Variants in RIN3 observed in about 807,000 individuals in gnomAD.
RIN3 encodes Ras and Rab interactor 3, also known as RAB5 interacting protein 3.
In RIN3, 54 loss-of-function variants were observed where a neutral mutation model predicts 76.3. That is an observed-to-expected ratio of 0.71 (90% CI 0.57 to 0.89). The LOEUF is 0.89. Ranked by LOEUF, RIN3 falls within the 40% of genes least tolerant of loss-of-function variation. RIN3 has a pLI of 0.00. For synonymous variants in RIN3, 576 were observed against 564.0 expected, an observed-to-expected ratio of 1.02 and a Z score of -0.30; for missense variants, 1,256 against 1,322.1, an observed-to-expected ratio of 0.95 and a Z score of 0.78.
intron 2 of RIN3, among the ~76,000 whole-genome samples, chr14:92,565,261 A>T (rs2140045882): frequency 6.6e-6 from 1 of 152,212 alleles, no homozygotes; most frequent in Non-Finnish European, 1.5e-5. Flanking sequence ...TGACATCAGG[A>T]ATGCTAGGAG....
intron 3 of RIN3, among the ~76,000 whole-genome samples, chr14:92,584,877 A>G (rs908569188): frequency 5.3e-5 from 8 of 152,216 alleles, no homozygotes; most frequent in African/African-American, 1.9e-4. Flanking sequence ...TCTCCAGAAT[A>G]GGAACCATGA....
intron 5 of RIN3, among the ~76,000 whole-genome samples, chr14:92,642,116 T>G (rs999200964): frequency 5.9e-5 from 9 of 151,982 alleles, no homozygotes. Flanking sequence ...TCTTTCTTTT[T>G]TTTTTGAAAC....
chr14:92,542,942 G>A (rs1897159897), intron 1 of RIN3, among the ~76,000 whole-genome samples: 1 of 152,192 alleles, frequency 6.6e-6, no homozygotes, highest in African/African-American at 2.4e-5. Context: ...AGGGGGCAGG[G>A]CTGGGGAGGA....
At position 92,552,311 on chromosome 14, in the gene RIN3, G is replaced by A. The variant is rs570894825; in HGVS notation, c.45-3440G>A. On this transcript the variant is annotated intron_variant, in intron 1 of 9. Coordinates refer to ENST00000216487, the MANE Select transcript of RIN3 (RefSeq NM_024832.5). ...CTTCAGGATGCAGGTGGGGCTGCCG[G>A]GCTGGGAAGCAGGTTTATCTCTGTG... 3.3e-5 allele frequency among the ~76,000 whole-genome samples: 5 copies of A among 152,302 alleles called. No homozygotes were observed. The East Asian group carries it at 7.7e-4, about 23-fold the overall frequency.
chr14:92,649,300 A>G (rs1887319328), intron 5 of RIN3, among the ~76,000 whole-genome samples: 1 of 152,164 alleles, frequency 6.6e-6, no homozygotes, highest in Admixed American at 6.5e-5. Context: ...CGGGGGTCTC[A>G]GCTCACATGT....
At chr14:92,653,392 AC>A (rs2140144322) in intron 6 of RIN3, among the ~76,000 whole-genome samples, 1 of 152,288 alleles carries the variant, frequency 6.6e-6, no homozygotes, top group South Asian at 2.1e-4. Context: ...CTCAAGCAGG[AC>A]CACTGTGTGG....
At chr14:92,579,890 C>T (rs912637653) in intron 3 of RIN3, among the ~76,000 whole-genome samples, 1 of 152,218 alleles carries the variant, frequency 6.6e-6, no homozygotes, top group Non-Finnish European at 1.5e-5. Flanking sequence ...GGATACAGGT[C>T]ACTGTGGGAA....
At chr14:92,635,458 G>C (rs1595472114) in intron 4 of RIN3, among the ~76,000 whole-genome samples, 1 of 152,190 alleles carries the variant, frequency 6.6e-6, no homozygotes, top group Non-Finnish European at 1.5e-5. Context: ...ATAGGAGCAA[G>C]CTGCGGAAAA....
chr14:92,543,618 C>CT lies in RIN3; in HGVS notation c.45-12107dup, dbSNP rs3033757. On this transcript the variant is annotated intron_variant, in intron 1 of 9. Transcript: ENST00000216487. ...CAATTGCTACACATCAAGGCTTTTG[C>CT]TTTTTTTTTTTTTTTTTTTTTTTTT... Among the ~76,000 whole-genome samples the CT allele has an allele frequency of 2.6e-3, 224 of 84,876 alleles. 6 individuals are homozygous for CT. Among genetic ancestry groups the CT allele is most frequent in the African/African-American group, 7.1e-3 (137 of 19,418 alleles). 55.7% of individuals were successfully genotyped at this position (84,876 alleles called of 152,430 possible).
intron 2 of RIN3, among the ~76,000 whole-genome samples, chr14:92,573,633 A>G (rs914228162): frequency 6.6e-5 from 10 of 152,250 alleles, no homozygotes; most frequent in African/African-American, 1.9e-4. Context: ...TATGAATAAT[A>G]AAAGACACTC....
chr14:92,592,660 T>C (rs1264040487), intron 3 of RIN3, among the ~76,000 whole-genome samples: 2 of 133,670 alleles, frequency 1.5e-5, no homozygotes, highest in Non-Finnish European at 3.2e-5. Flanking sequence ...ATTATTATTA[T>C]TATTATTATT....
rs1010369617 is a variant in RIN3, at chr14:92,536,526, G to A, written c.45-19225G>A. On this transcript the variant is annotated intron_variant, in intron 1 of 9. Coordinates refer to ENST00000216487, the MANE Select transcript of RIN3 (RefSeq NM_024832.5). ...TGGGAGGCCGAGTTGGGCAGATCACGAGGTCAGGAGATCGAGATCATCCTG... is the reference window on the plus strand; with the variant it reads ...TGGGAGGCCGAGTTGGGCAGATCACAAGGTCAGGAGATCGAGATCATCCTG... Among the ~76,000 whole-genome samples, 3 of 151,936 alleles carry A rather than the reference G, an allele frequency of 2.0e-5. 1 individual carries two copies. The highest frequency in any genetic ancestry group is 1.9e-4 in the East Asian group (1 of 5,186).
chr14:92,527,544 A>G (rs899536457), intron 1 of RIN3, among the ~76,000 whole-genome samples: 27 of 152,258 alleles, frequency 1.8e-4, no homozygotes, highest in African/African-American at 6.5e-4. Context: ...ACACGGAGTA[A>G]AAGTCACTCT....
At chr14:92,521,570 C>G (rs1896598516) in intron 1 of RIN3, among the ~76,000 whole-genome samples, 1 of 152,124 alleles carries the variant, frequency 6.6e-6, no homozygotes, top group Admixed American at 6.6e-5. Context: ...TGCTCTCTCC[C>G]TCTTGCTGCC....
chr14:92,592,357 G>A (rs1885006742), intron 3 of RIN3, among the ~76,000 whole-genome samples: 1 of 150,070 alleles, frequency 6.7e-6, no homozygotes, highest in African/African-American at 2.5e-5. Context: ...GCCGAGATCA[G>A]GCCATTGCAC....
chr14:92,532,592 A>T (rs1361459362), intron 1 of RIN3, among the ~76,000 whole-genome samples: 1 of 152,142 alleles, frequency 6.6e-6, no homozygotes, highest in Non-Finnish European at 1.5e-5. Flanking sequence ...TCTCAGCCTC[A>T]GCAGGGGAGG....
chr14:92,610,737 G>A (rs116545006), intron 3 of RIN3, among the ~76,000 whole-genome samples: 1 of 152,270 alleles, frequency 6.6e-6, no homozygotes, highest in African/African-American at 2.4e-5. Flanking sequence ...GCAAGGAGGT[G>A]GGAGTGAGGA....
chr14:92,524,360 T>G (rs1242444176), intron 1 of RIN3, among the ~76,000 whole-genome samples: 1 of 152,224 alleles, frequency 6.6e-6, no homozygotes, highest in Admixed American at 6.5e-5. Context: ...GCTTGTTTTA[T>G]GCTGACCACT....
Position 92,652,371 on chromosome 14 carries a change from G to C in RIN3, c.1322G>C (p.Ser441Thr). Reference sequence around the variant, plus strand: ...GGCCAGGACACAGAGGTGAAAGCCAGCGATCCTCACAGCATGCCAGAGCTG... The same window carrying C: ...GGCCAGGACACAGAGGTGAAAGCCACCGATCCTCACAGCATGCCAGAGCTG... ...EQGQDTEVKA[S>T]DPHSMPELPR... Residue 441 changes from serine to threonine, a missense_variant, in exon 6 of 10, where the codon AGC becomes ACC. Coordinates refer to ENST00000216487, the MANE Select transcript of RIN3 (RefSeq NM_024832.5). This position sits in a 1 kb window ranked among gnomAD's most constrained non-coding sequence, Gnocchi z 6.4. The C allele has an allele frequency of 6.2e-7, 1 of 1,609,352 alleles. No homozygotes were observed. Among genetic ancestry groups the C allele is most frequent in the Non-Finnish European group, 8.5e-7 (1 of 1,177,488 alleles).
Sources: gnomAD v4.1 joint callset for allele counts (sites outside exome capture counted in the v4.1 genomes callset) on GRCh38, gnomAD v4.1.1 for gene constraint, Gnocchi (gnomAD v3.1) non-coding constraint, MANE v1.5 for transcripts, NCBI Gene and HGNC (gene_info 2026-07-23, HGNC 2026-07-21) for gene names.